The following NKAIN2 variants were observed in gnomAD, a reference collection of about 807,000 sequenced individuals.
The protein encoded by NKAIN2 is sodium/potassium-transporting ATPase subunit beta-1-interacting protein 2.
In NKAIN2, 14 loss-of-function variants were observed where a neutral mutation model predicts 32.6. That is an observed-to-expected ratio of 0.43 (90% CI 0.28 to 0.67). NKAIN2 has a LOEUF of 0.67. Among genes scored for constraint, NKAIN2 ranks in the 30% least tolerant of loss-of-function variants. The pLI, the probability that NKAIN2 is intolerant of heterozygous loss-of-function variation, is 0.17. For synonymous variants in NKAIN2, 80 were observed against 87.2 expected (o/e 0.92, Z 0.46); for missense variants, 198 against 258.3 (o/e 0.77, Z 1.60).
rs552044737 is a variant in NKAIN2, at chr6:124,214,017, A to G, written c.55-68988A>G. 3.3e-5 allele frequency among the ~76,000 whole-genome samples: 5 copies of G among 152,326 alleles called. No individual in the cohort carries two copies. In the East Asian group the frequency reaches 9.6e-4, roughly 29 times the overall value. On this transcript the variant is annotated intron_variant, in intron 1 of 6. Transcript: ENST00000368417. ...TTGTACTATTCACAATATAATGATT[A>G]CAGATGTGCCAACAATTTACTTTCA...
intron 1 of NKAIN2, among the ~76,000 whole-genome samples, chr6:123,958,924 T>C (rs1256025523): frequency 6.6e-6 from 1 of 152,222 alleles, no homozygotes; most frequent in African/African-American, 2.4e-5. Flanking sequence ...AAATGGCTAA[T>C]AGTTTCCTTG....
intron 4 of NKAIN2, among the ~76,000 whole-genome samples, chr6:124,683,171 T>G (rs1385660329): frequency 6.6e-6 from 1 of 152,166 alleles, no homozygotes; most frequent in Non-Finnish European, 1.5e-5. Context: ...AAATGAACCA[T>G]GAGTAGAAAG....
intron 1 of NKAIN2, among the ~76,000 whole-genome samples, chr6:124,012,523 A>T (rs1780384590): frequency 6.6e-6 from 1 of 151,900 alleles, no homozygotes; most frequent in South Asian, 2.1e-4. Flanking sequence ...TTTAGTAGAG[A>T]CGGGGTTTCA....
At chr6:124,666,517 T>C (rs911686942) in intron 4 of NKAIN2, among the ~76,000 whole-genome samples, 6 of 152,210 alleles carry the variant, frequency 3.9e-5, no homozygotes, top group Admixed American at 1.3e-4. Context: ...CAATCTATTC[T>C]CTATTCCTCT....
chr6:124,567,555 C>G, intron 3 of NKAIN2, among the ~76,000 whole-genome samples: 1 of 152,122 alleles, frequency 6.6e-6, no homozygotes. Context: ...CAGCTTTTGC[C>G]ACAATAATGC....
intron 2 of NKAIN2, among the ~76,000 whole-genome samples, chr6:124,295,228 CA>C (rs1317567863): frequency 6.6e-6 from 1 of 152,138 alleles, no homozygotes; most frequent in Non-Finnish European, 1.5e-5. Flanking sequence ...TATCATGGAG[CA>C]AAACTATAAT....
chr6:124,118,147 G>A (rs1212022365), intron 1 of NKAIN2, among the ~76,000 whole-genome samples: 1 of 152,118 alleles, frequency 6.6e-6, no homozygotes, highest in South Asian at 2.1e-4. Flanking sequence ...TTGTCACAAG[G>A]GCAGAAGGTT....
At chr6:124,078,251 T>C (rs1424820212) in intron 1 of NKAIN2, among the ~76,000 whole-genome samples, 2 of 151,978 alleles carry the variant, frequency 1.3e-5, no homozygotes, top group Non-Finnish European at 2.9e-5. Flanking sequence ...TTTGTATTTT[T>C]AGATTTTACA....
At chr6:124,632,901 T>C (rs1052531527) in intron 3 of NKAIN2, among the ~76,000 whole-genome samples, 1 of 152,200 alleles carries the variant, frequency 6.6e-6, no homozygotes, top group Non-Finnish European at 1.5e-5. Flanking sequence ...CAAATGTAAC[T>C]CTATTGTAAA....
At position 124,779,310 on chromosome 6, in the gene NKAIN2, GGGAGGGAGGGAA is replaced by G. The variant is rs1401870782; in HGVS notation, c.475-12025_475-12014del. On this transcript the variant is annotated intron_variant, in intron 4 of 6. Coordinates refer to ENST00000368417, the MANE Select transcript of NKAIN2 (RefSeq NM_001040214.3). ...AAGGCAGGAAGGAGGGAGGGAGGGA[GGGAGGGAGGGAA>G]GGAAGGAAGGAAGGAAGGAAGGAAG... Among the ~76,000 whole-genome samples the G allele has an allele frequency of 9.8e-3, 933 of 95,594 alleles. 9 individuals carry two copies. Among genetic ancestry groups the G allele is most frequent in the African/African-American group, 0.026 (581 of 21,974 alleles). 62.7% of individuals were successfully genotyped at this position (95,594 alleles called of 152,430 possible). A position where few individuals can be genotyped will look rare whatever the true frequency, so the allele number is the denominator to read the frequency against.
intron 4 of NKAIN2, among the ~76,000 whole-genome samples, chr6:124,687,468 A>G (rs1774002426): frequency 7.4e-6 from 1 of 134,596 alleles, no homozygotes; most frequent in Non-Finnish European, 1.7e-5. Flanking sequence ...ATATATACAC[A>G]TACATGGAAT....
chr6:124,728,468 A>G (rs1429980643), intron 4 of NKAIN2, among the ~76,000 whole-genome samples: 663 of 79,262 alleles, frequency 8.4e-3, no homozygotes, highest in East Asian at 0.016. Flanking sequence ...CTGGGTACAT[A>G]ACGAAATGAA....
chr6:124,752,453 T>C (rs1475041537), intron 4 of NKAIN2, among the ~76,000 whole-genome samples: 1 of 152,086 alleles, frequency 6.6e-6, no homozygotes, highest in Non-Finnish European at 1.5e-5. Flanking sequence ...AAGCTTTCTT[T>C]CTTCCTTCTT....
intron 1 of NKAIN2, among the ~76,000 whole-genome samples, chr6:124,219,036 G>A (rs1284052247): frequency 6.6e-6 from 1 of 151,974 alleles, no homozygotes; most frequent in East Asian, 1.9e-4. Context: ...CGCTTACTGG[G>A]GAGACCACCT....
chr6:124,658,074 A>G (rs764141172), intron 3 of NKAIN2, 112 bp from the exon 4 acceptor site: 5 of 826,728 alleles, frequency 6.0e-6, no homozygotes, highest in Non-Finnish European at 7.5e-6. Flanking sequence ...GTAGGAAAAA[A>G]AAAACAAACA....
At chr6:124,371,533 A>G (rs1008119859) in intron 3 of NKAIN2, among the ~76,000 whole-genome samples, 2 of 151,874 alleles carry the variant, frequency 1.3e-5, no homozygotes, top group Non-Finnish European at 2.9e-5. Flanking sequence ...CTCTACTAAA[A>G]ATACAAAAAA....
intron 3 of NKAIN2, among the ~76,000 whole-genome samples, chr6:124,561,757 C>A (rs1780700832): frequency 6.6e-6 from 1 of 152,162 alleles, no homozygotes; most frequent in African/African-American, 2.4e-5. Context: ...CAGCCTTATA[C>A]TGTGTTCGGC....
intron 1 of NKAIN2, among the ~76,000 whole-genome samples, chr6:123,985,245 G>A (rs556291238): frequency 6.6e-6 from 1 of 151,948 alleles, no homozygotes; most frequent in African/African-American, 2.4e-5. Context: ...CTAAAAACAC[G>A]TAAAATTAGT....
At chr6:123,910,499 G>GTTTTTTTTTTTTTTTTTTTTTTTTTTTTT (rs35165515) in intron 1 of NKAIN2, among the ~76,000 whole-genome samples, 5 of 81,320 alleles carry the variant, frequency 6.1e-5, no homozygotes, top group East Asian at 3.7e-4. Context: ...TGCAATGCAT[G>GTTTTTTTTTTTTTTTTTTTTTTTTTTTTT]TTTTTTTTTT....
Sources: allele counts gnomAD v4.1 joint callset (sites outside exome capture counted in the v4.1 genomes callset), GRCh38; gene constraint gnomAD v4.1.1; transcripts MANE v1.5; gene names NCBI Gene and HGNC (gene_info 2026-07-23, HGNC 2026-07-21).